The following HAUS1 variants were observed in gnomAD, a reference collection of about 807,000 sequenced individuals.
The protein encoded by HAUS1 is HAUS augmin-like complex subunit 1.
Under a neutral mutation model 38.6 loss-of-function variants are expected in HAUS1, and 25 were observed. The observed-to-expected ratio is 0.65, with a 90% CI of 0.47 to 0.91. HAUS1 has a LOEUF of 0.91. HAUS1 is among the 40% of genes least tolerant of loss of function. The pLI is 0.00. For missense variants in HAUS1, 325 were observed against 328.4 expected, an observed-to-expected ratio of 0.99 and a Z score of 0.08; for synonymous variants, 109 against 112.9, an observed-to-expected ratio of 0.97 and a Z score of 0.22.
intron 4 of HAUS1, among the ~76,000 whole-genome samples, chr18:46,120,666 A>G (rs568231493): frequency 6.6e-6 from 1 of 151,184 alleles, no homozygotes; most frequent in Admixed American, 6.6e-5. Flanking sequence ...GCTCACTGCA[A>G]CCTCCACTTC....
At chr18:46,108,861 G>C (rs1042631688) in intron 2 of HAUS1, among the ~76,000 whole-genome samples, 14 of 152,164 alleles carry the variant, frequency 9.2e-5, no homozygotes, top group African/African-American at 3.4e-4. Context: ...CACAAGGTCA[G>C]GCGATCAAGA....
intron 6 of HAUS1, 54 bp downstream of exon 6, chr18:46,123,418 G>T: frequency 8.4e-7 from 1 of 1,186,714 alleles, no homozygotes; most frequent in Non-Finnish European, 1.2e-6. Flanking sequence ...TCCACAGTCT[G>T]CTTTTTCATT....
At chr18:46,121,776 A>G (rs1251579271) in intron 4 of HAUS1, 1 of 152,114 alleles carries the variant, frequency 6.6e-6, no homozygotes, top group Non-Finnish European at 1.5e-5. Flanking sequence ...GGCTTACATT[A>G]ATTGTAAAAT....
intron 2 of HAUS1, among the ~76,000 whole-genome samples, chr18:46,111,024 G>A (rs1911619577): frequency 6.6e-6 from 1 of 151,320 alleles, no homozygotes; most frequent in South Asian, 2.1e-4. Flanking sequence ...CTACAGGCAT[G>A]GGCCACCATG....
At chr18:46,126,144 G>A (rs1261245960) in intron 8 of HAUS1, among the ~76,000 whole-genome samples, 1 of 152,026 alleles carries the variant, frequency 6.6e-6, no homozygotes, top group Non-Finnish European at 1.5e-5. Context: ...GCGTGGTGAT[G>A]CGTGCCCGTA....
In HAUS1 at chr18:46,104,423, G is replaced by T. The variant is rs945243691; in HGVS notation, c.12G>T (p.Gln4His). The T allele has an allele frequency of 1.4e-6, 2 of 1,466,406 alleles. No homozygotes were observed. Among genetic ancestry groups the T allele is most frequent in the Non-Finnish European group, 1.8e-6 (2 of 1,099,426 alleles). 90.8% of individuals were successfully genotyped at this position (1,466,406 alleles called of 1,614,324 possible). A position where few individuals can be genotyped will look rare whatever the true frequency, so the allele number is the denominator to read the frequency against. The change falls in exon 1 of 9, where the codon CAG becomes CAT. Residue 4 changes from glutamine (Q) to histidine (H), a missense_variant. Transcript: ENST00000282058. MEPQEERETQVAAW... is the reference protein window; with the variant it reads MEPHEERETQVAAW... The stretch of plus-strand genomic sequence containing the variant: ...CGGGAGCCGCAGCTATGGAGCCGCA[G>T]GAGGAGAGAGAAACGCAGGTGATGG...
intron 2 of HAUS1, among the ~76,000 whole-genome samples, chr18:46,110,333 GTTTTTTTTTTTTTTT>G (rs71160713): frequency 1.4e-4 from 7 of 49,994 alleles, no homozygotes; most frequent in African/African-American, 3.5e-4. Flanking sequence ...TTTTTTTAAG[GTTTTTTTTTTTTTTT>G]TTTTTTTTTT....
At chr18:46,125,382 C>T (rs1026949745) in intron 7 of HAUS1, among the ~76,000 whole-genome samples, 6 of 151,954 alleles carry the variant, frequency 3.9e-5, no homozygotes, top group Non-Finnish European at 8.8e-5. Flanking sequence ...AACCCCGTCT[C>T]TACTAAAAAT....
chr18:46,124,230 C>G (rs573077753), intron 6 of HAUS1, among the ~76,000 whole-genome samples: 1 of 151,582 alleles, frequency 6.6e-6, no homozygotes, highest in Admixed American at 6.6e-5. Flanking sequence ...GCCAAAATGG[C>G]GAAACCTCAT....
intron 2 of HAUS1, 58 bp downstream of exon 2, chr18:46,105,426 C>T (rs1911436896): frequency 1.4e-6 from 2 of 1,426,232 alleles, no homozygotes; most frequent in Non-Finnish European, 1.9e-6. Flanking sequence ...AATTTTATAA[C>T]ACTAAAGTAT....
chr18:46,107,283 G>A (rs892489577), intron 2 of HAUS1, among the ~76,000 whole-genome samples: 1 of 152,016 alleles, frequency 6.6e-6, no homozygotes, highest in Admixed American at 6.6e-5. Context: ...ACAGTGCAGA[G>A]AAAGGGACTT....
At chr18:46,113,025 TTATATATATAA>T (rs74172022) in intron 2 of HAUS1, among the ~76,000 whole-genome samples, 4 of 98,576 alleles carry the variant, frequency 4.1e-5, no homozygotes, top group Non-Finnish European at 8.6e-5. Flanking sequence ...ATATTCCATA[TTATATATATAA>T]TATATATATT....
chr18:46,119,430 A>C (rs1911879185), intron 3 of HAUS1, among the ~76,000 whole-genome samples: 1 of 152,054 alleles, frequency 6.6e-6, no homozygotes, highest in Non-Finnish European at 1.5e-5. Flanking sequence ...TTTTACAAAT[A>C]ATGTGTATTT....
chr18:46,121,191 AT>A (rs1385023713), intron 4 of HAUS1, among the ~76,000 whole-genome samples: 1 of 151,790 alleles, frequency 6.6e-6, no homozygotes, highest in Admixed American at 6.6e-5. Context: ...TACTTATTTT[AT>A]TTATTTATTT....
At chr18:46,122,977 C>A (rs1461468007) in intron 5 of HAUS1, among the ~76,000 whole-genome samples, 1 of 152,022 alleles carries the variant, frequency 6.6e-6, no homozygotes, top group Non-Finnish European at 1.5e-5. Context: ...TTTGGGAGGC[C>A]AAGGTGGGCG....
At chr18:46,106,116 T>C in intron 2 of HAUS1, among the ~76,000 whole-genome samples, 1 of 152,210 alleles carries the variant, frequency 6.6e-6, no homozygotes, top group East Asian at 1.9e-4. Flanking sequence ...ACGAAATTAC[T>C]CTATGACTAC....
rs200627022 is a variant in HAUS1 at position 46,122,526 on chromosome 18, G to A, written c.536G>A (p.Arg179His). 1.9e-5 allele frequency: 31 copies of A among 1,614,038 alleles called. No homozygotes were observed. The East Asian group carries it at 2.0e-4, about 10-fold the overall frequency. ...STERAKVDNR[R>H]QNMDFLKAKS... is the part of the protein sequence containing the mutation. The stretch of plus-strand genomic sequence containing the variant: ...GAAAGGGCCAAAGTTGATAATCGTC[G>A]TCAGAACATGGACTTTCTAAAAGCA... Residue 179 changes from arginine to histidine, a missense_variant, in exon 5 of 9, where the codon CGT (arginine) becomes CAT (histidine). Physicochemically the swap from Arg to His is conservative, Grantham distance 29 (BLOSUM62 0). Transcript: ENST00000282058.
intron 2 of HAUS1, among the ~76,000 whole-genome samples, chr18:46,115,958 T>C (rs1911785643): frequency 6.6e-6 from 1 of 151,568 alleles, no homozygotes; most frequent in Admixed American, 6.6e-5. Context: ...ATACAAAAAT[T>C]AGCTGGGTGT....
At chr18:46,121,428 T>C (rs11873914) in intron 4 of HAUS1, among the ~76,000 whole-genome samples, 2,935 of 151,948 alleles carry the variant, frequency 0.019, 82 homozygotes, top group African/African-American at 0.067. Flanking sequence ...CATGTCACAT[T>C]TAGTACAGAG....
Sources: gnomAD v4.1 joint callset for allele counts (sites outside exome capture counted in the v4.1 genomes callset) on GRCh38, gnomAD v4.1.1 for gene constraint, MANE v1.5 for transcripts, NCBI Gene and HGNC (gene_info 2026-07-23, HGNC 2026-07-21) for gene names.